The following TRPM5 variants were observed in gnomAD, a reference collection of about 807,000 sequenced individuals.
TRPM5 encodes the protein MLSN1 and TRP-related.
TRPM5 carries 121 observed loss-of-function variants against 124.9 expected under a neutral mutation model. The ratio of observed to expected loss-of-function variants is 0.97; its 90% CI spans 0.84 to 1.13. The LOEUF (loss-of-function observed/expected upper bound fraction) is 1.13. TRPM5 is among the 50% of genes most tolerant of loss of function. The pLI is 0.00. For synonymous variants in TRPM5, 781 were observed against 700.5 expected, an observed-to-expected ratio of 1.11 and a Z score of -1.81; for missense variants, 1,643 against 1,589.1, an observed-to-expected ratio of 1.03 and a Z score of -0.58.
Position 2,420,422 on chromosome 11 carries a change from A to G in TRPM5, c.466-17T>C. 3.1e-6 allele frequency: 5 copies of G among 1,591,752 alleles called. No individual in the cohort carries two copies. The highest frequency in any genetic ancestry group is 4.3e-6 in the Non-Finnish European group (5 of 1,165,780). ...AAAATCCTCCTGCGCCCATGCAGGG[A>G]GACGAGGCTGAGCCCTCGAGAGGCA... On this transcript the variant is annotated splice_polypyrimidine_tract_variant and intron_variant, in intron 3 of 23. Transcript: ENST00000155858.
At chr11:2,406,249 CCT>C in intron 21 of TRPM5, 158 bp from the exon 27 acceptor site, 8 of 751,380 alleles carry the variant, frequency 1.1e-5, no homozygotes, top group African/African-American at 1.7e-5. Context: ...CACCAGGACC[CCT>C]CAAAGTGCAC....
Position 2,422,852 on chromosome 11 carries a change from A to G in TRPM5, c.117+68T>C. 8 of 1,392,478 alleles carry G rather than the reference A, an allele frequency of 5.7e-6. No homozygotes were observed. In the South Asian group the frequency reaches 9.2e-5, roughly 16 times the overall value. 86.3% of individuals were successfully genotyped at this position (1,392,478 alleles called of 1,614,324 possible). On this transcript the variant is annotated intron_variant, in intron 1 of 23. Coordinates refer to ENST00000155858, the Ensembl canonical transcript of TRPM5. ...GGACCCTGGCACTCAGCTTCCAGGG[A>G]AGGAAATGGGGCCTCATGGGTTCCA...
chr11:2,430,511 G>T, the TRPM5 span, among the ~76,000 whole-genome samples: 1 of 151,930 alleles, frequency 6.6e-6, no homozygotes, highest in African/African-American at 2.4e-5. Context: ...TGGTGATGGT[G>T]GTAGTAATGA....
At chr11:2,421,916 GGA>G (rs1224401905) in intron 2 of TRPM5, among the ~76,000 whole-genome samples, 1 of 152,152 alleles carries the variant, frequency 6.6e-6, no homozygotes, top group African/African-American at 2.4e-5. Flanking sequence ...GTACTGCAGA[GGA>G]CGGGCTGAGA....
chr11:2,433,277 C>G, the TRPM5 span, among the ~76,000 whole-genome samples: 1 of 152,230 alleles, frequency 6.6e-6, no homozygotes, highest in African/African-American at 2.4e-5. Context: ...CCTGGAGCTT[C>G]CACAGCTGCA....
At chr11:2,409,132 G>A (rs1036741642) in intron 18 of TRPM5, among the ~76,000 whole-genome samples, 2 of 152,090 alleles carry the variant, frequency 1.3e-5, no homozygotes, top group African/African-American at 2.4e-5. Flanking sequence ...AGTGTGACGC[G>A]TTGGCCCGTG....
Position 2,415,117 on chromosome 11 carries a change from T to G in TRPM5, c.1479+4A>C, listed in dbSNP as rs1341063297. On this transcript the variant is annotated splice_donor_region_variant and intron_variant, in intron 9 of 23. Transcript: ENST00000155858. ...CCCTCCATCCCCACGGAGCCCCCGC[T>G]CACCGCCCTCCTGCGGTCCCCTGGC... 1.8e-5 allele frequency: 28 copies of G among 1,568,770 alleles called. No homozygotes were observed. Among genetic ancestry groups the G allele is most frequent in the Non-Finnish European group, 2.2e-5 (26 of 1,160,972 alleles).
intron 12 of TRPM5, 52 bp downstream of exon 17, chr11:2,414,009 G>GGGGGCGCCCCCCCCCCCC: frequency 1.1e-5 from 11 of 1,023,728 alleles, no homozygotes; most frequent in Non-Finnish European, 1.3e-5. Context: ...GGCCCAGCTC[G>GGGGGCGCCCCCCCCCCCC]CCCGCCCACC....
the TRPM5 span, among the ~76,000 whole-genome samples, chr11:2,440,408 T>C: frequency 2.9e-3 from 442 of 152,268 alleles, 2 homozygotes; most frequent in African/African-American, 0.01. The surrounding 1 kb of genome is among the most constrained non-coding windows in gnomAD (Gnocchi z 5.2). Flanking sequence ...GGCATAAGGA[T>C]CCTCTGGAGA....
At chr11:2,435,363 C>CA in the TRPM5 span, among the ~76,000 whole-genome samples, 1 of 152,066 alleles carries the variant, frequency 6.6e-6, no homozygotes, top group East Asian at 1.9e-4. The surrounding 1 kb of genome is among the most constrained non-coding windows in gnomAD (Gnocchi z 4.1). Flanking sequence ...TCCACCCACT[C>CA]ACTCACCCAC....
At chr11:2,427,924 G>T (rs1258497438), upstream of TRPM5, among the ~76,000 whole-genome samples, 1 of 152,218 alleles carries the variant, frequency 6.6e-6, no homozygotes, top group Non-Finnish European at 1.5e-5. Flanking sequence ...AGGCCGTGGG[G>T]CATCGGCCCC....
In TRPM5 at chr11:2,412,266, T is replaced by C. The variant is rs1023028805; in HGVS notation, c.2356-13A>G. On this transcript the variant is annotated splice_polypyrimidine_tract_variant and intron_variant, in intron 15 of 23. Coordinates refer to ENST00000155858, the Ensembl canonical transcript of TRPM5. ...CTGTGAAGAAGCCCTGGGAGGGAGG[T>C]GGGCAGTCCACTGACAGCTGTCCAG... 15 of 1,603,278 alleles carry C rather than the reference T, an allele frequency of 9.4e-6. No individual in the cohort carries two copies. The African/African-American group carries it at 1.3e-4, about 14-fold the overall frequency.
intron 12 of TRPM5, 52 bp downstream of exon 17, chr11:2,414,009 G>GGGGGGGCGCCCCCCCCCCCCCCCCCCC: frequency 9.8e-7 from 1 of 1,023,734 alleles, no homozygotes; most frequent in Non-Finnish European, 1.4e-6. Flanking sequence ...GGCCCAGCTC[G>GGGGGGGCGCCCCCCCCCCCCCCCCCCC]CCCGCCCACC....
chr11:2,429,055 G>C, the TRPM5 span, among the ~76,000 whole-genome samples: 1 of 151,114 alleles, frequency 6.6e-6, no homozygotes, highest in African/African-American at 2.4e-5. The surrounding 1 kb of genome is among the most constrained non-coding windows in gnomAD (Gnocchi z 8.4). Flanking sequence ...GGTACTGGTG[G>C]TGGTGATGAT....
intron 12 of TRPM5, 54 bp downstream of exon 17, chr11:2,414,007 T>TCCCCCCCCC: frequency 9.3e-7 from 1 of 1,072,596 alleles, no homozygotes; most frequent in South Asian, 1.3e-5. Context: ...TGGGCCCAGC[T>TCCCCCCCCC]CGCCCGCCCA....
chr11:2,440,726 G>A, the TRPM5 span, among the ~76,000 whole-genome samples: 2 of 152,294 alleles, frequency 1.3e-5, no homozygotes, highest in Admixed American at 6.5e-5. The surrounding 1 kb of genome is among the most constrained non-coding windows in gnomAD (Gnocchi z 5.2). Flanking sequence ...GCACTCAGCC[G>A]GTGCTCTGCG....
chr11:2,409,881 G>A (rs1170625748), intron 18 of TRPM5, among the ~76,000 whole-genome samples: 1 of 152,190 alleles, frequency 6.6e-6, no homozygotes, highest in African/African-American at 2.4e-5. Flanking sequence ...GGGCCCCTCG[G>A]GAGTCTGTTT....
intron 1 of TRPM5, 93 bp from the exon 7 acceptor site, chr11:2,422,414 G>A (rs1463862086): frequency 1.9e-6 from 2 of 1,033,744 alleles, no homozygotes; most frequent in Non-Finnish European, 1.4e-6. Context: ...GGGCACTGGG[G>A]AGGTGCTGAG....
upstream of TRPM5, among the ~76,000 whole-genome samples, chr11:2,423,835 G>T (rs865797262): frequency 6.6e-6 from 1 of 152,138 alleles, no homozygotes; most frequent in African/African-American, 2.4e-5. Flanking sequence ...GCCCCTCAGC[G>T]CCCTGGCTCC....
Sources: allele counts gnomAD v4.1 joint callset (sites outside exome capture counted in the v4.1 genomes callset), GRCh38; gene constraint gnomAD v4.1.1; non-coding constraint Gnocchi (gnomAD v3.1); transcripts MANE v1.5; gene names NCBI Gene and HGNC (gene_info 2026-07-23, HGNC 2026-07-21).